Variants in PINX1 observed in about 807,000 individuals in gnomAD.
PINX1 encodes the protein PIN2/TERF1-interacting telomerase inhibitor 1.
PINX1 carries 34 observed loss-of-function variants against 25.4 expected under a neutral mutation model. The ratio of observed to expected loss-of-function variants is 1.34; its 90% CI spans 1.02 to 1.78. The LOEUF is 1.78. Among genes scored for constraint, PINX1 ranks in the 40% most tolerant of loss-of-function variants. The pLI, the probability that PINX1 is intolerant of heterozygous loss-of-function variation, is 0.00. For synonymous variants in PINX1, 197 were observed against 147.7 expected, an observed-to-expected ratio of 1.33 and a Z score of -2.42; for missense variants, 592 against 404.9, an observed-to-expected ratio of 1.46 and a Z score of -3.97.
chr8:10,833,075 A>G (rs535133445), intron 2 of PINX1, 91 bp from the exon 3 acceptor site: 245 of 737,366 alleles, frequency 3.3e-4, no homozygotes, highest in Non-Finnish European at 5.3e-4. Flanking sequence ...TGCCTACGGC[A>G]GGTGTTCTGA....
intron 6 of PINX1, among the ~76,000 whole-genome samples, chr8:10,807,407 C>T (rs2129082009): frequency 7.7e-6 from 1 of 129,916 alleles, no homozygotes; most frequent in South Asian, 2.4e-4. Context: ...TTCAAGATGT[C>T]AGTGCTTCAA....
At chr8:10,771,588 G>A (rs933073381) in intron 6 of PINX1, among the ~76,000 whole-genome samples, 2 of 152,134 alleles carry the variant, frequency 1.3e-5, no homozygotes, top group Non-Finnish European at 2.9e-5. Context: ...TCCCTAATGA[G>A]GAACAAGGTA....
intron 5 of PINX1, among the ~76,000 whole-genome samples, chr8:10,822,607 G>T (rs1274509575): frequency 6.6e-6 from 1 of 152,180 alleles, no homozygotes; most frequent in Non-Finnish European, 1.5e-5. Flanking sequence ...GTCTATCAGA[G>T]TAGCTACTGG....
rs1798520284 is a variant in PINX1 at position 10,839,873 on chromosome 8, GA to G, written c.-118del. The G allele has an allele frequency of 2.0e-6, 2 of 1,020,734 alleles. No homozygotes were observed. Among genetic ancestry groups the G allele is most frequent in the African/African-American group, 3.3e-5 (2 of 60,538 alleles). The allele number at this position is 1,020,734 out of a possible 1,614,324, so 63.2% of individuals were successfully genotyped here. On this transcript the variant is annotated 5_prime_UTR_variant, in exon 1 of 7. Coordinates refer to ENST00000314787, the MANE Select transcript of PINX1 (RefSeq NM_017884.6). ...ACTCCCTCGCCGGCGGACTGCAGCG[GA>G]CGGGGCGCGTGCTGGTGACGTCAGT...
intron 6 of PINX1, among the ~76,000 whole-genome samples, chr8:10,802,648 C>A (rs185628338): frequency 2.0e-5 from 3 of 152,162 alleles, no homozygotes; most frequent in Non-Finnish European, 2.9e-5. Flanking sequence ...ACACAGAGGG[C>A]AGGGGCCCGG....
intron 5 of PINX1, among the ~76,000 whole-genome samples, chr8:10,824,449 C>T (rs991325896): frequency 1.3e-5 from 2 of 152,148 alleles, no homozygotes; most frequent in East Asian, 1.9e-4. Flanking sequence ...ACAATAGATC[C>T]GAGAATCCTT....
chr8:10,796,248 TG>T (rs1802080503), intron 6 of PINX1, among the ~76,000 whole-genome samples: 1 of 152,080 alleles, frequency 6.6e-6, no homozygotes, highest in African/African-American at 2.4e-5. Context: ...CAGGGCAGCT[TG>T]GGGGAAAAGA....
rs1293493790 is a variant in PINX1, at chr8:10,775,447, A to C, written c.472-9531T>G. On this transcript the variant is annotated intron_variant, in intron 6 of 6. Transcript: ENST00000314787. ...TTTTTTTTTTTTTTTTTTTGCCTTT[A>C]AAAATTTTGAATCCATTACAGGATT... is the stretch of plus-strand genomic sequence containing the variant. 1.1e-4 allele frequency among the ~76,000 whole-genome samples: 8 copies of C among 75,836 alleles called. No individual in the cohort carries two copies. In the East Asian group the frequency reaches 3.2e-3, roughly 31 times the overall value. The allele number at this position is 75,836 out of a possible 152,430, so 49.8% of individuals were successfully genotyped here.
intron 6 of PINX1, among the ~76,000 whole-genome samples, chr8:10,800,033 C>T (rs1802217126): frequency 6.6e-6 from 1 of 152,206 alleles, no homozygotes; most frequent in African/African-American, 2.4e-5. Flanking sequence ...TGCGTGATGA[C>T]ACATCCCGGA....
At chr8:10,818,977 T>C (rs1797784092) in intron 6 of PINX1, among the ~76,000 whole-genome samples, 1 of 152,190 alleles carries the variant, frequency 6.6e-6, no homozygotes, top group Non-Finnish European at 1.5e-5. Flanking sequence ...GAAGCCAGCC[T>C]GTCTGACCAT....
At chr8:10,798,131 G>T (rs983466373) in intron 6 of PINX1, among the ~76,000 whole-genome samples, 4 of 152,208 alleles carry the variant, frequency 2.6e-5, no homozygotes, top group Admixed American at 2.6e-4. Flanking sequence ...ATGTTTGTAG[G>T]ACACGGGTAG....
intron 6 of PINX1, among the ~76,000 whole-genome samples, chr8:10,785,803 C>G (rs538957038): frequency 1.5e-3 from 223 of 152,296 alleles, no homozygotes; most frequent in Admixed American, 2.4e-3. Context: ...GTGTACAGGA[C>G]CCCACTCCAT....
At chr8:10,807,949 TCTGATGCAG>T (rs1802507545) in intron 6 of PINX1, among the ~76,000 whole-genome samples, 1 of 152,200 alleles carries the variant, frequency 6.6e-6, no homozygotes, top group African/African-American at 2.4e-5. Context: ...TGACAGATGA[TCTGATGCAG>T]CTGACACACT....
chr8:10,799,371 G>A (rs924780479), intron 6 of PINX1, among the ~76,000 whole-genome samples: 1 of 152,128 alleles, frequency 6.6e-6, no homozygotes, highest in Non-Finnish European at 1.5e-5. Flanking sequence ...AGTTCTCCTT[G>A]AGGCCCCGAG....
At position 10,832,992 on chromosome 8, in the gene PINX1, G is replaced by C. The variant is rs1324971586; in HGVS notation, c.130-8C>G. The C allele has an allele frequency of 3.2e-6, 5 of 1,568,202 alleles. No individual in the cohort carries two copies. Among genetic ancestry groups the C allele is most frequent in the Non-Finnish European group, 4.4e-6 (5 of 1,142,848 alleles). On this transcript the variant is annotated splice_polypyrimidine_tract_variant and splice_region_variant and intron_variant, in intron 2 of 6. Transcript: ENST00000314787. The stretch of plus-strand genomic sequence containing the variant: ...CTCCTGAGCCCCTAAACCCTGTGGA[G>C]ATTAAACACAGAGAGTTAGAACATT...
At chr8:10,771,205 A>C (rs932209301) in intron 6 of PINX1, 1 of 152,196 alleles carries the variant, frequency 6.6e-6, no homozygotes, top group African/African-American at 2.4e-5. Context: ...GTATGAAGTG[A>C]CTGTGTGTGA....
chr8:10,786,397 A>C (rs1240253420), intron 6 of PINX1, among the ~76,000 whole-genome samples: 1 of 152,166 alleles, frequency 6.6e-6, no homozygotes, highest in African/African-American at 2.4e-5. Context: ...GGTGCCAGTA[A>C]AAGTGGGGAG....
chr8:10,793,410 C>A (rs1217249838), intron 6 of PINX1, among the ~76,000 whole-genome samples: 1 of 152,074 alleles, frequency 6.6e-6, no homozygotes, highest in Admixed American at 6.6e-5. Context: ...TTGTCTTGGG[C>A]CATCCATAAA....
intron 6 of PINX1, among the ~76,000 whole-genome samples, chr8:10,800,568 C>T (rs1486973145): frequency 6.6e-6 from 1 of 151,510 alleles, no homozygotes; most frequent in Non-Finnish European, 1.5e-5. Flanking sequence ...CTTCTGGGTT[C>T]AAGCAATTCT....
Sources: gnomAD v4.1 joint callset for allele counts (sites outside exome capture counted in the v4.1 genomes callset) on GRCh38, gnomAD v4.1.1 for gene constraint, MANE v1.5 for transcripts, NCBI Gene and HGNC (gene_info 2026-07-23, HGNC 2026-07-21) for gene names.